The following BRINP3 variants were observed in gnomAD, a reference collection of about 807,000 sequenced individuals.
BRINP3 encodes BMP/retinoic acid-inducible neural-specific protein 3.
A neutral mutation model predicts 71.0 loss-of-function variants in BRINP3; 19 were observed. That is an observed-to-expected ratio of 0.27 (90% CI 0.19 to 0.39). The LOEUF (loss-of-function observed/expected upper bound fraction) is 0.39. BRINP3 is among the 10% of genes least tolerant of loss of function. The pLI, the probability that BRINP3 is intolerant of heterozygous loss-of-function variation, is 1.00. For synonymous variants in BRINP3, 380 were observed against 337.7 expected (o/e 1.13, Z -1.37); for missense variants, 959 against 940.8 (o/e 1.02, Z -0.25).
chr1:190,194,290 G>A (rs1214608040), intron 6 of BRINP3, among the ~76,000 whole-genome samples: 1 of 152,098 alleles, frequency 6.6e-6, no homozygotes, highest in South Asian at 2.1e-4. Flanking sequence ...GTAGAACAAA[G>A]TGACAGTGCT....
At chr1:190,225,381 C>A (rs903063642) in intron 6 of BRINP3, among the ~76,000 whole-genome samples, 3 of 151,720 alleles carry the variant, frequency 2.0e-5, no homozygotes. Context: ...CACAGAAAGA[C>A]AAATATTCTA....
chr1:190,203,862 TG>T (rs1474612854), intron 6 of BRINP3, among the ~76,000 whole-genome samples: 2 of 141,134 alleles, frequency 1.4e-5, no homozygotes, highest in Non-Finnish European at 3.1e-5. Flanking sequence ...GTGTTATTAT[TG>T]CATCTTTTGA....
intron 2 of BRINP3, among the ~76,000 whole-genome samples, chr1:190,331,987 T>C (rs1666995315): frequency 6.6e-6 from 1 of 152,086 alleles, no homozygotes; most frequent in Non-Finnish European, 1.5e-5. Flanking sequence ...TCGTGCTTTT[T>C]ATAATTATTA....
chr1:190,296,729 C>A (rs1358447379), intron 2 of BRINP3, among the ~76,000 whole-genome samples: 2 of 152,066 alleles, frequency 1.3e-5, no homozygotes, highest in Non-Finnish European at 2.9e-5. Flanking sequence ...ACTCAACATA[C>A]AAAAATCAGT....
chr1:190,259,221 T>A lies in BRINP3; in HGVS notation c.618+5644A>T, dbSNP rs1374421536. On this transcript the variant is annotated intron_variant, in intron 4 of 7. Transcript: ENST00000367462. The stretch of plus-strand genomic sequence containing the variant: ...AATATAGTCCAATATCCACTTTGAA[T>A]ATAGGCATACCAATCCTCAGCAAAC... Among the ~76,000 whole-genome samples, 8 of 151,266 alleles carry A rather than the reference T, an allele frequency of 5.3e-5. No individual in the cohort carries two copies. The Admixed American group carries it at 5.3e-4, about 10-fold the overall frequency.
rs1571686425 is a variant in BRINP3 at position 190,098,284 on chromosome 1, C to T, written c.2035G>A (p.Ala679Thr). Reference protein sequence around the residue: ...FGYSMHFDPEAIRDLILQLDY... With the variant: ...FGYSMHFDPETIRDLILQLDY... ...AGCTGCAAAATCAGGTCCCGAATTG[C>T]TTCAGGGTCAAAGTGCATGCTGTAG... Residue 679 changes from alanine to threonine, a missense_variant, in exon 8 of 8, where the codon GCA becomes ACA. Transcript: ENST00000367462. The T allele has an allele frequency of 1.2e-6, 2 of 1,614,150 alleles. No individual in the cohort carries two copies. Among genetic ancestry groups the T allele is most frequent in the Non-Finnish European group, 8.5e-7 (1 of 1,180,036 alleles).
intron 2 of BRINP3, among the ~76,000 whole-genome samples, chr1:190,401,519 G>A (rs776107545): frequency 2.0e-5 from 3 of 151,942 alleles, no homozygotes; most frequent in Non-Finnish European, 4.4e-5. Flanking sequence ...TGATACATGA[G>A]CTAGTAAGGA....
chr1:190,208,260 G>A (rs2102640400), intron 6 of BRINP3, among the ~76,000 whole-genome samples: 1 of 151,840 alleles, frequency 6.6e-6, no homozygotes, highest in Middle Eastern at 3.4e-3. Context: ...GCCCGGCCCT[G>A]TAATACATAC....
chr1:190,343,578 C>T (rs1667812344), intron 2 of BRINP3, among the ~76,000 whole-genome samples: 1 of 151,420 alleles, frequency 6.6e-6, no homozygotes, highest in Non-Finnish European at 1.5e-5. Context: ...AGTACATGCT[C>T]AACAATCATT....
At chr1:190,465,036 G>T (rs1676646718) in intron 1 of BRINP3, among the ~76,000 whole-genome samples, 1 of 151,966 alleles carries the variant, frequency 6.6e-6, no homozygotes, top group African/African-American at 2.4e-5. Flanking sequence ...TGGTAGAACT[G>T]ATTAGAAGAA....
intron 1 of BRINP3, among the ~76,000 whole-genome samples, chr1:190,456,975 C>T (rs1359496470): frequency 1.3e-5 from 2 of 152,060 alleles, no homozygotes; most frequent in African/African-American, 2.4e-5. Flanking sequence ...TGAAAAAATT[C>T]AAACAGTACT....
At chr1:190,129,076 T>C (rs1654319217) in intron 7 of BRINP3, among the ~76,000 whole-genome samples, 1 of 151,874 alleles carries the variant, frequency 6.6e-6, no homozygotes, top group Non-Finnish European at 1.5e-5. Flanking sequence ...TGTGTTTTTA[T>C]TTATACATAT....
In BRINP3 at chr1:190,098,295, A is replaced by G; in HGVS notation, c.2024T>C (p.Phe675Ser). Residue 675 changes from phenylalanine (F) to serine (S), a missense_variant, in exon 8 of 8, where the codon TTT becomes TCT. By Grantham distance (155) the Phe-to-Ser change is radical. Transcript: ENST00000367462. ...CAGGTCCCGAATTGCTTCAGGGTCA[A>G]AGTGCATGCTGTAGCCAAACACTTG... is the stretch of plus-strand genomic sequence containing the variant. The part of the protein sequence containing the change: ...NIQVFGYSMH[F>S]DPEAIRDLIL... The G allele has an allele frequency of 1.2e-6, 2 of 1,614,188 alleles. No individual in the cohort carries two copies. The highest frequency in any genetic ancestry group is 8.5e-7 in the Non-Finnish European group (1 of 1,180,034).
At chr1:190,127,166 T>C (rs1241276584) in intron 7 of BRINP3, among the ~76,000 whole-genome samples, 1 of 151,820 alleles carries the variant, frequency 6.6e-6, no homozygotes, top group Non-Finnish European at 1.5e-5. Context: ...ATATATTTTA[T>C]ATTTTTATCT....
intron 1 of BRINP3, among the ~76,000 whole-genome samples, chr1:190,455,524 A>G (rs1010516897): frequency 5.3e-5 from 8 of 152,142 alleles, no homozygotes; most frequent in African/African-American, 1.9e-4. Flanking sequence ...AGAGTGAGAC[A>G]GAGAGATGAT....
intron 2 of BRINP3, among the ~76,000 whole-genome samples, chr1:190,343,849 T>A (rs764985205): frequency 1.3e-5 from 2 of 151,704 alleles, no homozygotes; most frequent in Non-Finnish European, 3.0e-5. Context: ...GTAGATTTCT[T>A]CTTATAAATA....
At chr1:190,208,992 C>T (rs1343298746) in intron 6 of BRINP3, among the ~76,000 whole-genome samples, 1 of 151,980 alleles carries the variant, frequency 6.6e-6, no homozygotes, top group Non-Finnish European at 1.5e-5. Flanking sequence ...AAACTTGATC[C>T]ATTATAAGTG....
At chr1:190,226,056 G>C (rs1483408334) in intron 6 of BRINP3, 26 bp downstream of exon 6, 4 of 1,379,712 alleles carry the variant, frequency 2.9e-6, no homozygotes. Context: ...ATATTTAAAA[G>C]TGTTATATTA....
chr1:190,351,425 A>C (rs1668378402), intron 2 of BRINP3, among the ~76,000 whole-genome samples: 1 of 152,174 alleles, frequency 6.6e-6, no homozygotes, highest in South Asian at 2.1e-4. Context: ...TTAACAATTT[A>C]TGAATATTTA....
Sources: gnomAD v4.1 joint callset for allele counts (sites outside exome capture counted in the v4.1 genomes callset) on GRCh38, gnomAD v4.1.1 for gene constraint, MANE v1.5 for transcripts, NCBI Gene and HGNC (gene_info 2026-07-23, HGNC 2026-07-21) for gene names.